CTNNA3: variants seen among roughly 807,000 people sequenced by gnomAD.
CTNNA3 encodes catenin alpha 3.
CTNNA3 carries 76 observed loss-of-function variants against 95.7 expected under a neutral mutation model. The ratio of observed to expected loss-of-function variants is 0.79; its 90% CI spans 0.66 to 0.96. The LOEUF is 0.96. CTNNA3 is among the 40% of genes least tolerant of loss of function. CTNNA3 has a pLI of 0.00. For synonymous variants in CTNNA3, 431 were observed against 374.4 expected (o/e 1.15, Z -1.74); for missense variants, 1,191 against 1,089.8 (o/e 1.09, Z -1.31).
At chr10:67,063,702 T>C (rs1321527781) in intron 7 of CTNNA3, among the ~76,000 whole-genome samples, 1 of 152,220 alleles carries the variant, frequency 6.6e-6, no homozygotes, top group Non-Finnish European at 1.5e-5. Flanking sequence ...ACACAGATAA[T>C]TGGCATGAGC....
Position 66,157,816 on chromosome 10 carries a change from T to C in CTNNA3, c.1885-54567A>G, listed in dbSNP as rs551828104. Among the ~76,000 whole-genome samples, 3 of 152,104 alleles carry C rather than the reference T, an allele frequency of 2.0e-5. No individual in the cohort carries two copies. The South Asian group carries it at 6.2e-4, about 32-fold the overall frequency. On this transcript the variant is annotated intron_variant, in intron 13 of 17. Coordinates refer to ENST00000433211, the MANE Select transcript of CTNNA3 (RefSeq NM_013266.4). ...GTAGAAGTGTTCCCTGATTATCTCA[T>C]CCATGCCAACATCTACTGTTTTTTT...
chr10:67,689,528 G>A (rs1840800671), intron 1 of CTNNA3, among the ~76,000 whole-genome samples: 2 of 152,152 alleles, frequency 1.3e-5, no homozygotes, highest in African/African-American at 2.4e-5. Flanking sequence ...GAGGAAGTTT[G>A]TCTGACAGGC....
intron 13 of CTNNA3, among the ~76,000 whole-genome samples, chr10:66,132,404 G>A (rs1174415069): frequency 1.3e-5 from 2 of 152,096 alleles, no homozygotes; most frequent in Non-Finnish European, 2.9e-5. Flanking sequence ...AAAAATAACA[G>A]GTGCTGGCAA....
At chr10:67,087,515 T>A (rs949522017) in intron 7 of CTNNA3, among the ~76,000 whole-genome samples, 1 of 151,766 alleles carries the variant, frequency 6.6e-6, no homozygotes, top group African/African-American at 2.4e-5. Flanking sequence ...CCTTCTCTAA[T>A]ATAAATATAT....
chr10:67,625,833 A>T (rs950234584), intron 2 of CTNNA3, among the ~76,000 whole-genome samples: 6 of 152,160 alleles, frequency 3.9e-5, no homozygotes, highest in Non-Finnish European at 8.8e-5. Flanking sequence ...TAGTCAGGGA[A>T]CCAGCCCCTT....
At chr10:67,624,734 G>A (rs537059399) in intron 2 of CTNNA3, among the ~76,000 whole-genome samples, 118 of 152,282 alleles carry the variant, frequency 7.7e-4, no homozygotes, top group African/African-American at 2.7e-3. Flanking sequence ...TAGGTGAACA[G>A]AATGATAAGA....
chr10:67,744,561 C>T (rs1841363392), intron 1 of CTNNA3, among the ~76,000 whole-genome samples: 2 of 151,224 alleles, frequency 1.3e-5, no homozygotes. Context: ...TAGAAGAAAA[C>T]TTAGGCAATA....
intron 7 of CTNNA3, among the ~76,000 whole-genome samples, chr10:66,879,269 C>A (rs1844752246): frequency 6.6e-6 from 1 of 151,962 alleles, no homozygotes; most frequent in African/African-American, 2.4e-5. Context: ...CTTGCCTGGG[C>A]CATTAATGAA....
At chr10:67,564,401 C>T (rs1841667811) in intron 3 of CTNNA3, among the ~76,000 whole-genome samples, 1 of 144,430 alleles carries the variant, frequency 6.9e-6, no homozygotes, top group Admixed American at 7.2e-5. Flanking sequence ...GGACAGAAAA[C>T]CAAAGACCGC....
rs1379970037 is a variant in CTNNA3, at chr10:66,290,259, C to G, written c.1733-9638G>C. 2.0e-5 allele frequency among the ~76,000 whole-genome samples: 3 copies of G among 151,838 alleles called. No homozygotes were observed. In the East Asian group the frequency reaches 5.8e-4, roughly 29 times the overall value. Reference sequence around the variant, plus strand: ...GTGTGCAATAAGCTTTAAAACAAGGCCAACAGGAGCCACATAATCAAAGTT... The same window carrying G: ...GTGTGCAATAAGCTTTAAAACAAGGGCAACAGGAGCCACATAATCAAAGTT... On this transcript the variant is annotated intron_variant, in intron 12 of 17. Coordinates refer to ENST00000433211, the MANE Select transcript of CTNNA3 (RefSeq NM_013266.4).
intron 11 of CTNNA3, among the ~76,000 whole-genome samples, chr10:66,454,794 G>T (rs1404941620): frequency 7.3e-6 from 1 of 137,750 alleles, no homozygotes; most frequent in Non-Finnish European, 1.5e-5. Context: ...GGAGGAAGGA[G>T]AGGAATGAGA....
chr10:67,512,868 C>T (rs1839684143), intron 5 of CTNNA3, among the ~76,000 whole-genome samples: 1 of 151,974 alleles, frequency 6.6e-6, no homozygotes, highest in African/African-American at 2.4e-5. Flanking sequence ...ACCTGTAGTC[C>T]CAGCTACTCG....
intron 7 of CTNNA3, among the ~76,000 whole-genome samples, chr10:66,824,337 A>C (rs2132300417): frequency 6.6e-6 from 1 of 152,318 alleles, no homozygotes; most frequent in South Asian, 2.1e-4. Context: ...GATACAGCTA[A>C]GCATTTTAGC....
At chr10:66,577,239 T>C (rs1455263886) in intron 10 of CTNNA3, among the ~76,000 whole-genome samples, 1 of 152,054 alleles carries the variant, frequency 6.6e-6, no homozygotes, top group Non-Finnish European at 1.5e-5. Context: ...CTTTGTCAGA[T>C]GCACAGTTTG....
At chr10:66,025,596 T>C (rs114827471) in intron 15 of CTNNA3, among the ~76,000 whole-genome samples, 2,411 of 152,280 alleles carry the variant, frequency 0.016, 44 homozygotes, top group African/African-American at 0.055. Context: ...CTATGCTTTG[T>C]TCACCTGTAT....
In CTNNA3 at chr10:66,516,063, GGAAA is replaced by G. The variant is rs1408926414; in HGVS notation, c.1531+4550_1531+4553del. On this transcript the variant is annotated intron_variant, in intron 11 of 17. Transcript: ENST00000433211. ...CTATTCAAACTATGATTAATTATCT[GGAAA>G]AAAAAAAAAAAAAGGTAACCCATCT... Among the ~76,000 whole-genome samples the G allele has an allele frequency of 3.2e-5, 4 of 123,910 alleles. No individual in the cohort carries two copies. The East Asian group carries it at 7.2e-4, about 22-fold the overall frequency. 81.3% of individuals were successfully genotyped at this position (123,910 alleles called of 152,430 possible).
intron 14 of CTNNA3, among the ~76,000 whole-genome samples, chr10:66,078,521 G>A (rs192001400): frequency 4.5e-4 from 69 of 151,736 alleles, no homozygotes; most frequent in Admixed American, 1.2e-3. Flanking sequence ...CACTATATTC[G>A]CACTCTACAA....
intron 7 of CTNNA3, among the ~76,000 whole-genome samples, chr10:66,967,422 A>T (rs1447694178): frequency 1.3e-5 from 2 of 151,926 alleles, no homozygotes; most frequent in East Asian, 3.9e-4. Context: ...ATGCATATAT[A>T]TATACACATA....
chr10:67,211,531 T>C (rs1864139393), intron 6 of CTNNA3, among the ~76,000 whole-genome samples: 1 of 152,208 alleles, frequency 6.6e-6, no homozygotes, highest in African/African-American at 2.4e-5. Flanking sequence ...CACTAGGTTC[T>C]GAAATATCAA....
Sources: gnomAD v4.1 joint callset for allele counts (sites outside exome capture counted in the v4.1 genomes callset) on GRCh38, gnomAD v4.1.1 for gene constraint, MANE v1.5 for transcripts, NCBI Gene and HGNC (gene_info 2026-07-23, HGNC 2026-07-21) for gene names.